RYR1: variants seen among roughly 807,000 people sequenced by gnomAD.
The protein encoded by RYR1 is central core disease of muscle.
RYR1 carries 342 observed loss-of-function variants against 583.5 expected under a neutral mutation model. The ratio of observed to expected loss-of-function variants is 0.59; its 90% CI spans 0.54 to 0.64. RYR1 has a LOEUF of 0.64. Among genes scored for constraint, RYR1 ranks in the 30% least tolerant of loss-of-function variants. RYR1 has a pLI of 0.00. For missense variants in RYR1, 6,032 were observed against 6,917.2 expected (o/e 0.87, Z 4.54); for synonymous variants, 2,791 against 2,822.5 (o/e 0.99, Z 0.35).
intron 71 of RYR1, among the ~76,000 whole-genome samples, chr19:38,526,217 C>T (rs753153316): frequency 2.0e-5 from 3 of 151,936 alleles, no homozygotes; most frequent in African/African-American, 4.8e-5. Context: ...GGAGGCCTCC[C>T]GGGACCCCAC....
chr19:38,508,380 T>A (rs1187153927), intron 58 of RYR1, among the ~76,000 whole-genome samples: 1 of 151,906 alleles, frequency 6.6e-6, no homozygotes, highest in South Asian at 2.1e-4. Context: ...CCCAGCTAAT[T>A]TTTTGTATTT....
chr19:38,565,576 CGCCGCGGAGGGCGCTGGA>C lies in RYR1; in HGVS notation c.13244_13261del (p.Ala4415_Gly4420del). ...AGGGTGCCAGCGAGGGCGCTGGAGA[CGCCGCGGAGGGCGCTGGA>C]GACGAGGAGGAGGCGGTGCACGAGG... On this transcript the variant is annotated inframe_deletion, in exon 91 of 106. Transcript: ENST00000359596. The surrounding 1 kb of genome is among the most constrained non-coding windows in gnomAD (Gnocchi z 4.7). 1 of 1,472,136 alleles carries C rather than the reference CGCCGCGGAGGGCGCTGGA, an allele frequency of 6.8e-7. No individual in the cohort carries two copies. The highest frequency in any genetic ancestry group is 8.9e-7 in the Non-Finnish European group (1 of 1,118,672). The allele number at this position is 1,472,136 out of a possible 1,614,324, so 91.2% of individuals were successfully genotyped here.
At position 38,473,556 on chromosome 19, in the gene RYR1, G is replaced by C; in HGVS notation, c.3945G>C (p.Gln1315His). The C allele has an allele frequency of 1.3e-6, 2 of 1,590,758 alleles. No homozygotes were observed. Among genetic ancestry groups the C allele is most frequent in the South Asian group, 2.3e-5 (2 of 88,868 alleles). The change falls in exon 28 of 106, where the codon CAG (glutamine) becomes CAC (histidine). Residue 1315 changes from glutamine (Q) to histidine (H), a missense_variant. Transcript: ENST00000359596. Reference protein sequence around the residue: ...GATPLAPPGLQPPAEDEARAA... With the variant: ...GATPLAPPGLHPPAEDEARAA... Reference sequence around the variant, plus strand: ...CCCCGCTGGCACCTCCTGGCCTGCAGCCCCCCGCCGAGGACGAGGCCCGGG... The same window carrying C: ...CCCCGCTGGCACCTCCTGGCCTGCACCCCCCCGCCGAGGACGAGGCCCGGG...
chr19:38,462,425 G>A (rs1237988357), intron 20 of RYR1, among the ~76,000 whole-genome samples: 1 of 151,970 alleles, frequency 6.6e-6, no homozygotes, highest in Non-Finnish European at 1.5e-5. Flanking sequence ...GCCTCACCCT[G>A]GATGCCTCTG....
chr19:38,443,517 CG>C (rs1270402989), intron 3 of RYR1, 40 bp from the exon 4 acceptor site: 1 of 1,577,022 alleles, frequency 6.3e-7, no homozygotes. Flanking sequence ...CTGGAGAGTC[CG>C]GGGATCTGTG....
Position 38,484,921 on chromosome 19 carries a change from G to T in RYR1, c.4935-669G>T, listed in dbSNP as rs34853245. Among the ~76,000 whole-genome samples the T allele has an allele frequency of 8.8e-3, 1,331 of 151,878 alleles. 5 individuals carry two copies. The highest frequency in any genetic ancestry group is 0.015 in the Non-Finnish European group (1,042 of 67,962). ...CCAGGAGTTCAAGGCTGCAGAGCTA[G>T]GATCGCACCACTGCACTCTAGCCTG... On this transcript the variant is annotated intron_variant, in intron 33 of 105. Coordinates refer to ENST00000359596, the MANE Select transcript of RYR1 (RefSeq NM_000540.3).
intron 42 of RYR1, among the ~76,000 whole-genome samples, chr19:38,497,531 T>A (rs537999173): frequency 4.2e-4 from 64 of 152,350 alleles, no homozygotes; most frequent in African/African-American, 1.5e-3. Context: ...AGAAACGACT[T>A]CATGGAGTCA....
At chr19:38,567,026 C>G (rs1472203344) in intron 92 of RYR1, 39 bp downstream of exon 92, 2 of 1,555,064 alleles carry the variant, frequency 1.3e-6, no homozygotes, top group African/African-American at 1.4e-5. Context: ...GCCCCTATCA[C>G]TGCCTCCCTC....
chr19:38,525,245 G>A, intron 70 of RYR1, 87 bp from the exon 71 acceptor site: 1 of 1,520,352 alleles, frequency 6.6e-7, no homozygotes, highest in South Asian at 1.1e-5. Context: ...GTCCAGACTG[G>A]GGCCTGGGGT....
chr19:38,488,216 C>T (rs1969384558), intron 34 of RYR1, among the ~76,000 whole-genome samples: 2 of 152,132 alleles, frequency 1.3e-5, no homozygotes, highest in South Asian at 4.1e-4. Context: ...TATTCATTTA[C>T]TTCCTCATGC....
rs1968189676 is a variant in RYR1, at chr19:38,467,789, G to A, written c.3358G>A (p.Ala1120Thr). The A allele has an allele frequency of 6.2e-7, 1 of 1,613,982 alleles. No individual in the cohort carries two copies. The highest frequency in any genetic ancestry group is 1.7e-5 in the Admixed American group (1 of 59,984). ...TGTAGAGCTGGGAGCTGACGAGCTG[G>A]CCTATGTCTTCAATGGGCACCGCGT... The part of the protein sequence containing the change: ...PDVELGADEL[A>T]YVFNGHRGQR... The change falls in exon 25 of 106, where the codon GCC becomes ACC. Residue 1120 changes from alanine to threonine, a missense_variant. By Grantham distance (58) the Ala-to-Thr change is moderately conservative. Coordinates refer to ENST00000359596, the MANE Select transcript of RYR1 (RefSeq NM_000540.3).
intron 74 of RYR1, 51 bp downstream of exon 74, chr19:38,528,469 G>A (rs375815412): frequency 6.2e-7 from 1 of 1,604,932 alleles, no homozygotes; most frequent in Non-Finnish European, 8.5e-7. Flanking sequence ...AGAAAGGGTG[G>A]CTGGAGAGTC....
At chr19:38,492,399 T>G in intron 37 of RYR1, 91 bp from the exon 38 acceptor site, 1 of 1,342,598 alleles carries the variant, frequency 7.4e-7, no homozygotes, top group South Asian at 1.2e-5. Flanking sequence ...ACTCCATGCA[T>G]GCATGCACAT....
intron 19 of RYR1, 70 bp from the exon 20 acceptor site, chr19:38,460,305 G>A: frequency 1.4e-6 from 2 of 1,394,342 alleles, no homozygotes; most frequent in Non-Finnish European, 2.0e-6. Context: ...CTGCTTCCAT[G>A]TCCCCCACTG....
chr19:38,451,959 C>T, intron 12 of RYR1, 74 bp downstream of exon 12: 1 of 1,598,358 alleles, frequency 6.3e-7, no homozygotes, highest in Non-Finnish European at 8.6e-7. Context: ...CACTTGGCCT[C>T]TTTCATCTCT....
intron 90 of RYR1, among the ~76,000 whole-genome samples, chr19:38,564,603 C>T (rs570295848): frequency 5.1e-4 from 77 of 152,082 alleles, no homozygotes; most frequent in Non-Finnish European, 8.8e-4. Context: ...TGGCAACCTC[C>T]GCCTCCCGGG....
In RYR1 at chr19:38,499,624, C is replaced by G. The variant is rs369342449; in HGVS notation, c.7028-11C>G. 9 of 1,597,038 alleles carry G rather than the reference C, an allele frequency of 5.6e-6. No homozygotes were observed. The East Asian group carries it at 1.8e-4, about 32-fold the overall frequency. On this transcript the variant is annotated splice_polypyrimidine_tract_variant and intron_variant, in intron 43 of 105. Coordinates refer to ENST00000359596, the MANE Select transcript of RYR1 (RefSeq NM_000540.3). This position sits in a 1 kb window ranked among gnomAD's most constrained non-coding sequence, Gnocchi z 7.3. ...GCTCATGAGACCCCCTTTCCCCATG[C>G]GGGTGGCCAGGCGAGAGCGTGGAGG...
At chr19:38,469,847 C>G (rs146865065) in intron 27 of RYR1, among the ~76,000 whole-genome samples, 1 of 151,310 alleles carries the variant, frequency 6.6e-6, no homozygotes, top group Non-Finnish European at 1.5e-5. Flanking sequence ...CAGGAGGATC[C>G]CTTGAGCCCA....
rs1386402164 is a variant in RYR1, at chr19:38,496,913, A to G, written c.6850A>G (p.Asn2284Asp). Residue 2284 changes from asparagine to aspartate, a missense_variant, in exon 42 of 106, where the codon AAT becomes GAT. By Grantham distance (23) the Asn-to-Asp change is conservative. This residue lies in a region of RYR1 where 2,627 missense variants were observed against 2,961.3 expected (regional missense o/e 0.89). Transcript: ENST00000359596. This position sits in a 1 kb window ranked among gnomAD's most constrained non-coding sequence, Gnocchi z 4.8. ...DVAAASVIDN[N>D]ELALALQEQD... ...GGCTGCTGCCTCCGTCATTGACAAC[A>G]ATGAGCTGGCCTTGGCATTGCAGGA... is the stretch of plus-strand genomic sequence containing the variant. The G allele has an allele frequency of 2.5e-6, 4 of 1,613,366 alleles. No homozygotes were observed. In the African/African-American group the frequency reaches 5.3e-5, roughly 22 times the overall value.
Sources: gnomAD v4.1 joint callset for allele counts (sites outside exome capture counted in the v4.1 genomes callset) on GRCh38, gnomAD v4.1.1 for gene constraint, gnomAD v4.1.1 regional missense constraint, Gnocchi (gnomAD v3.1) non-coding constraint, MANE v1.5 for transcripts, NCBI Gene and HGNC (gene_info 2026-07-23, HGNC 2026-07-21) for gene names.